Variants in BRINP1 observed in about 807,000 individuals in gnomAD.
BRINP1 encodes BMP/retinoic acid inducible neural specific 1.
Under a neutral mutation model 72.9 loss-of-function variants are expected in BRINP1, and 17 were observed. That is an observed-to-expected ratio of 0.23 (90% CI 0.16 to 0.35). BRINP1 has a LOEUF of 0.35. Ranked by LOEUF, BRINP1 falls within the 10% of genes least tolerant of loss-of-function variation. BRINP1 has a pLI of 1.00. For synonymous variants in BRINP1, 418 were observed against 378.5 expected, an observed-to-expected ratio of 1.10 and a Z score of -1.21; for missense variants, 850 against 1,001.6, an observed-to-expected ratio of 0.85 and a Z score of 2.04.
intron 2 of BRINP1, among the ~76,000 whole-genome samples, chr9:119,264,702 C>T (rs978001339): frequency 2.0e-5 from 3 of 152,094 alleles, no homozygotes; most frequent in Non-Finnish European, 2.9e-5. Flanking sequence ...GACAGAGTGT[C>T]GCTCATCACC....
At chr9:119,263,900 G>A (rs970394336) in intron 2 of BRINP1, among the ~76,000 whole-genome samples, 1 of 152,122 alleles carries the variant, frequency 6.6e-6, no homozygotes, top group South Asian at 2.1e-4. Context: ...GAGCCACAGC[G>A]CCCGGCCAAC....
In BRINP1 at chr9:119,179,376, GA is replaced by G. The variant is rs199544342; in HGVS notation, c.1146-11153del. The stretch of plus-strand genomic sequence containing the variant: ...AGAAGGAAGGAGAAAGTAGGAGAAA[GA>G]AGGAAGTTGCATTTTCATTTCTAAA... On this transcript the variant is annotated intron_variant, in intron 7 of 7. Coordinates refer to ENST00000265922, the MANE Select transcript of BRINP1 (RefSeq NM_014618.3). Among the ~76,000 whole-genome samples the G allele has an allele frequency of 4.3e-3, 648 of 152,336 alleles. 5 individuals are homozygous for G. The highest frequency in any genetic ancestry group is 0.012 in the Admixed American group (189 of 15,304).
intron 2 of BRINP1, among the ~76,000 whole-genome samples, chr9:119,302,836 AT>A (rs3837286): frequency 2.5e-4 from 38 of 151,134 alleles, no homozygotes; most frequent in East Asian, 1.8e-3. Flanking sequence ...TCCATTTTAT[AT>A]TTTTTTTTCA....
chr9:119,335,790 C>A (rs1008097039), intron 1 of BRINP1, among the ~76,000 whole-genome samples: 3 of 152,186 alleles, frequency 2.0e-5, no homozygotes, highest in Non-Finnish European at 4.4e-5. Context: ...GTGAGATTAT[C>A]AACACTTTCC....
At chr9:119,238,389 A>G (rs914366970) in intron 5 of BRINP1, among the ~76,000 whole-genome samples, 7 of 143,818 alleles carry the variant, frequency 4.9e-5, no homozygotes, top group Non-Finnish European at 9.2e-5. Flanking sequence ...TATAAATACA[A>G]ATTAATTAAA....
At chr9:119,308,147 A>G (rs1831017676) in intron 2 of BRINP1, among the ~76,000 whole-genome samples, 1 of 152,216 alleles carries the variant, frequency 6.6e-6, no homozygotes, top group South Asian at 2.1e-4. Flanking sequence ...TGACTATGAG[A>G]GTCATCATGG....
intron 5 of BRINP1, among the ~76,000 whole-genome samples, chr9:119,231,297 C>G (rs918337738): frequency 6.6e-6 from 1 of 151,986 alleles, no homozygotes; most frequent in Admixed American, 6.6e-5. Flanking sequence ...AGAATATGTG[C>G]TCCTATCTAA....
intron 1 of BRINP1, among the ~76,000 whole-genome samples, chr9:119,318,966 C>T (rs547095998): frequency 6.6e-6 from 1 of 151,492 alleles, no homozygotes; most frequent in South Asian, 2.1e-4. Context: ...AAGTGTGGAC[C>T]TTTTGCTCCC....
intron 1 of BRINP1, among the ~76,000 whole-genome samples, chr9:119,357,802 T>A (rs1027105710): frequency 6.6e-6 from 1 of 152,176 alleles, no homozygotes; most frequent in Non-Finnish European, 1.5e-5. Flanking sequence ...ACAGACTTCA[T>A]TGCATGAAGA....
intron 6 of BRINP1, among the ~76,000 whole-genome samples, chr9:119,212,677 G>T (rs1829941381): frequency 6.6e-6 from 1 of 152,176 alleles, no homozygotes; most frequent in Non-Finnish European, 1.5e-5. Context: ...GTAAAGACAG[G>T]AATGCTTTTT....
chr9:119,328,015 A>G (rs1261249428), intron 1 of BRINP1, among the ~76,000 whole-genome samples: 4 of 152,168 alleles, frequency 2.6e-5, no homozygotes, highest in Admixed American at 2.6e-4. Context: ...CACTCAGTAA[A>G]CTCATGAGTC....
intron 5 of BRINP1, among the ~76,000 whole-genome samples, chr9:119,233,667 A>G (rs1184399662): frequency 2.6e-5 from 4 of 152,222 alleles, no homozygotes; most frequent in African/African-American, 9.6e-5. Context: ...AGAAATGCAT[A>G]CATACAAATA....
chr9:119,258,598 A>G (rs1351112303), intron 2 of BRINP1, among the ~76,000 whole-genome samples: 1 of 152,188 alleles, frequency 6.6e-6, no homozygotes, highest in Non-Finnish European at 1.5e-5. Flanking sequence ...GTCATTTCAC[A>G]GATGAGAAAA....
At chr9:119,279,834 A>T (rs1435484136) in intron 2 of BRINP1, among the ~76,000 whole-genome samples, 1 of 152,200 alleles carries the variant, frequency 6.6e-6, no homozygotes, top group Admixed American at 6.5e-5. Flanking sequence ...TTTCAAAGAG[A>T]GAGCAAAAGA....
intron 2 of BRINP1, among the ~76,000 whole-genome samples, chr9:119,298,182 C>A (rs1472356426): frequency 1.3e-5 from 2 of 152,208 alleles, no homozygotes; most frequent in Non-Finnish European, 2.9e-5. Flanking sequence ...GGTACCAAAG[C>A]ACTATCTTCC....
intron 5 of BRINP1, among the ~76,000 whole-genome samples, chr9:119,218,007 A>C (rs1829997270): frequency 6.6e-6 from 1 of 151,730 alleles, no homozygotes; most frequent in Non-Finnish European, 1.5e-5. Context: ...AGGCATCTTC[A>C]ATTTTTTTCA....
intron 2 of BRINP1, among the ~76,000 whole-genome samples, chr9:119,275,876 AC>A (rs1226360993): frequency 2.0e-5 from 3 of 151,814 alleles, no homozygotes; most frequent in African/African-American, 4.8e-5. Flanking sequence ...TTAAAAGAGA[AC>A]CCCCAAATAG....
intron 1 of BRINP1, among the ~76,000 whole-genome samples, chr9:119,343,509 G>A (rs1831423677): frequency 6.6e-6 from 1 of 152,004 alleles, no homozygotes; most frequent in South Asian, 2.1e-4. Context: ...TGCTCCTCCT[G>A]CACGGCACCA....
chr9:119,313,596 T>C (rs752837910), intron 1 of BRINP1, among the ~76,000 whole-genome samples, 191 bp from the exon 2 acceptor site: 4 of 152,184 alleles, frequency 2.6e-5, no homozygotes, highest in Non-Finnish European at 4.4e-5. Flanking sequence ...GTTAAAAACA[T>C]AGAATCTATG....
Sources: allele counts gnomAD v4.1 joint callset (sites outside exome capture counted in the v4.1 genomes callset), GRCh38; gene constraint gnomAD v4.1.1; transcripts MANE v1.5; gene names NCBI Gene and HGNC (gene_info 2026-07-23, HGNC 2026-07-21).